PRKCE: variants seen among roughly 807,000 people sequenced by gnomAD.
The protein encoded by PRKCE is protein kinase C epsilon.
Under a neutral mutation model 85.4 loss-of-function variants are expected in PRKCE, and 16 were observed. The observed-to-expected ratio is 0.19, with a 90% CI of 0.13 to 0.28. The LOEUF (loss-of-function observed/expected upper bound fraction) is 0.28. Among genes scored for constraint, PRKCE ranks in the 10% least tolerant of loss-of-function variants. The probability of loss-of-function intolerance (pLI) is 1.00; values close to 1 mark genes in which losing one functional copy is unlikely to be tolerated. For missense variants in PRKCE, 573 were observed against 975.2 expected, an observed-to-expected ratio of 0.59 and a Z score of 5.49; for synonymous variants, 388 against 371.5, an observed-to-expected ratio of 1.04 and a Z score of -0.51.
chr2:45,672,424 A>G (rs1291867042), intron 1 of PRKCE, among the ~76,000 whole-genome samples: 1 of 152,040 alleles, frequency 6.6e-6, no homozygotes, highest in Non-Finnish European at 1.5e-5. Context: ...CCATCTATTC[A>G]TCTATCTCTC....
At chr2:45,944,864 A>G (rs1000426904) in intron 2 of PRKCE, among the ~76,000 whole-genome samples, 1 of 152,060 alleles carries the variant, frequency 6.6e-6, no homozygotes, top group African/African-American at 2.4e-5. Context: ...ATCTTTGGAC[A>G]TTTAGGTTGG....
At chr2:46,103,589 A>T (rs1371872460) in intron 11 of PRKCE, among the ~76,000 whole-genome samples, 2 of 152,144 alleles carry the variant, frequency 1.3e-5, no homozygotes, top group African/African-American at 4.8e-5. Context: ...AACAGTTGAA[A>T]ATCTGTGTAT....
Position 45,935,427 on chromosome 2 carries a change from A to G in PRKCE, c.413-41002A>G, listed in dbSNP as rs193077172. Reference sequence around the variant, plus strand: ...TTTAGCTAAAAAATATTAATACTTTAAAATTTGCATACTATACCATGTTTA... The same window carrying G: ...TTTAGCTAAAAAATATTAATACTTTGAAATTTGCATACTATACCATGTTTA... On this transcript the variant is annotated intron_variant, in intron 2 of 14. Coordinates refer to ENST00000306156, the MANE Select transcript of PRKCE (RefSeq NM_005400.3). Among the ~76,000 whole-genome samples, 297 of 152,334 alleles carry G rather than the reference A, an allele frequency of 1.9e-3. 4 individuals carry two copies. Among genetic ancestry groups the G allele is most frequent in the Admixed American group, 0.018 (278 of 15,296 alleles).
At chr2:45,703,029 C>CCT (rs879342123) in intron 1 of PRKCE, among the ~76,000 whole-genome samples, 2 of 151,772 alleles carry the variant, frequency 1.3e-5, no homozygotes, top group Admixed American at 6.6e-5. Flanking sequence ...TTTCCCCCCC[C>CCT]GTCAGGAAGT....
chr2:45,940,299 G>A (rs752027119), intron 2 of PRKCE, among the ~76,000 whole-genome samples: 1 of 152,188 alleles, frequency 6.6e-6, no homozygotes. Context: ...TTTGGACACA[G>A]TGCCCAGAGT....
rs568404278 is a variant in PRKCE at position 45,747,743 on chromosome 2, T to C, written c.349-95257T>C. On this transcript the variant is annotated intron_variant, in intron 1 of 14. Transcript: ENST00000306156. ...CTAGAAGCAGAATTGCTAGGTGATA[T>C]AGTAATTCTATTTTTAATTTTTTAA... is the stretch of plus-strand genomic sequence containing the variant. Among the ~76,000 whole-genome samples, 397 of 152,358 alleles carry C rather than the reference T, an allele frequency of 2.6e-3. 2 individuals carry two copies. Among genetic ancestry groups the C allele is most frequent in the African/African-American group, 9.2e-3 (384 of 41,578 alleles).
Position 45,854,505 on chromosome 2 carries a change from TAAAATAAGAA to T in PRKCE, c.412+11443_412+11452del, listed in dbSNP as rs147733437. On this transcript the variant is annotated intron_variant, in intron 2 of 14. Coordinates refer to ENST00000306156, the MANE Select transcript of PRKCE (RefSeq NM_005400.3). ...GGTATAGTGGGAGGAATCCTTGTAT[TAAAATAAGAA>T]GCTTGGATTCTGTTCCTAGCTGCTA... is the stretch of plus-strand genomic sequence containing the variant. 7.9e-3 allele frequency among the ~76,000 whole-genome samples: 1,207 copies of T among 152,334 alleles called. 16 individuals are homozygous for T. Among genetic ancestry groups the T allele is most frequent in the African/African-American group, 0.028 (1,149 of 41,566 alleles).
At position 45,711,531 on chromosome 2, in the gene PRKCE, G is replaced by A. The variant is rs961245795; in HGVS notation, c.348+59083G>A. On this transcript the variant is annotated intron_variant, in intron 1 of 14. Transcript: ENST00000306156. The stretch of plus-strand genomic sequence containing the variant: ...AATTAGCATTTGTAAAGCACTTAGC[G>A]TGCCTGGTGCCTAGCAAATATTCAG... Among the ~76,000 whole-genome samples, 41 of 152,324 alleles carry A rather than the reference G, an allele frequency of 2.7e-4. 1 individual carries two copies. Among genetic ancestry groups the A allele is most frequent in the African/African-American group, 7.7e-4 (32 of 41,560 alleles).
intron 1 of PRKCE, among the ~76,000 whole-genome samples, chr2:45,703,689 T>C (rs1678874715): frequency 6.6e-6 from 1 of 152,252 alleles, no homozygotes; most frequent in Non-Finnish European, 1.5e-5. Context: ...GATTTTCCTT[T>C]ATTGTCCTAA....
intron 1 of PRKCE, among the ~76,000 whole-genome samples, chr2:45,836,781 A>T (rs1399698442): frequency 6.6e-6 from 1 of 152,238 alleles, no homozygotes; most frequent in African/African-American, 2.4e-5. Flanking sequence ...GCAGTAGATT[A>T]TCTAGGACCT....
chr2:45,805,596 C>CTTTTTTTTTTTTTTTTTTTT (rs529307964), intron 1 of PRKCE, among the ~76,000 whole-genome samples: 1 of 142,606 alleles, frequency 7.0e-6, no homozygotes, highest in African/African-American at 2.6e-5. Flanking sequence ...TTACCTTCCT[C>CTTTTTTTTTTTTTTTTTTTT]TTTTTTTTTT....
intron 2 of PRKCE, among the ~76,000 whole-genome samples, chr2:45,873,777 C>T (rs954635224): frequency 2.6e-5 from 4 of 152,232 alleles, no homozygotes; most frequent in African/African-American, 7.2e-5. Flanking sequence ...GAGCAGTCCT[C>T]CCTGTGAGCC....
chr2:45,806,346 G>A (rs1688242928), intron 1 of PRKCE, among the ~76,000 whole-genome samples: 1 of 152,016 alleles, frequency 6.6e-6, no homozygotes, highest in Non-Finnish European at 1.5e-5. Context: ...CCCCAAGCAG[G>A]GACTCAGAGA....
At chr2:45,953,646 G>A (rs889685372) in intron 2 of PRKCE, among the ~76,000 whole-genome samples, 8 of 152,060 alleles carry the variant, frequency 5.3e-5, no homozygotes, top group South Asian at 2.1e-4. Context: ...TTTTAATTGC[G>A]CCCCCATCCA....
At chr2:45,660,944 A>C (rs1304939627) in intron 1 of PRKCE, among the ~76,000 whole-genome samples, 1 of 152,176 alleles carries the variant, frequency 6.6e-6, no homozygotes, top group Non-Finnish European at 1.5e-5. Flanking sequence ...GAGGAAATAT[A>C]ACTGAAATCT....
chr2:45,937,590 C>T (rs1182965675), intron 2 of PRKCE, among the ~76,000 whole-genome samples: 3 of 152,114 alleles, frequency 2.0e-5, no homozygotes, highest in Non-Finnish European at 4.4e-5. Flanking sequence ...TGGCGGGCAC[C>T]TGTAGTCCCA....
At chr2:45,707,192 G>A (rs940689065) in intron 1 of PRKCE, among the ~76,000 whole-genome samples, 3 of 152,192 alleles carry the variant, frequency 2.0e-5, no homozygotes, top group Non-Finnish European at 4.4e-5. Context: ...GATATTCCTC[G>A]GCTGGAGCAT....
intron 1 of PRKCE, among the ~76,000 whole-genome samples, chr2:45,689,500 C>G (rs1305931223): frequency 6.6e-6 from 1 of 151,070 alleles, no homozygotes; most frequent in Non-Finnish European, 1.5e-5. Flanking sequence ...GTAATCTATC[C>G]TTTATTTGTT....
intron 1 of PRKCE, among the ~76,000 whole-genome samples, chr2:45,781,068 C>T (rs867609379): frequency 1.3e-5 from 2 of 152,088 alleles, no homozygotes; most frequent in African/African-American, 4.8e-5. Flanking sequence ...CATAGTGGCT[C>T]AAGGCTGTAA....
Sources: allele counts gnomAD v4.1 joint callset (sites outside exome capture counted in the v4.1 genomes callset), GRCh38; gene constraint gnomAD v4.1.1; transcripts MANE v1.5; gene names NCBI Gene and HGNC (gene_info 2026-07-23, HGNC 2026-07-21).